The following GRID1 variants were observed in gnomAD, a reference collection of about 807,000 sequenced individuals.
GRID1 encodes glutamate receptor ionotropic, delta-1.
Under a neutral mutation model 98.0 loss-of-function variants are expected in GRID1, and 28 were observed. The observed-to-expected ratio is 0.29, with a 90% CI of 0.21 to 0.39. The LOEUF (loss-of-function observed/expected upper bound fraction) is 0.39, where lower values mean the gene tolerates loss of function less well. GRID1 is among the 10% of genes least tolerant of loss of function. The pLI is 1.00. For synonymous variants in GRID1, 553 were observed against 538.5 expected, an observed-to-expected ratio of 1.03 and a Z score of -0.37; for missense variants, 1,111 against 1,340.5, an observed-to-expected ratio of 0.83 and a Z score of 2.67.
chr10:86,148,823 G>A (rs1845121963), intron 3 of GRID1, among the ~76,000 whole-genome samples: 1 of 152,260 alleles, frequency 6.6e-6, no homozygotes, highest in East Asian at 1.9e-4. Flanking sequence ...CAGCCCCACT[G>A]CCCTGCTCCC....
chr10:85,664,736 C>T (rs1279101885), intron 12 of GRID1, among the ~76,000 whole-genome samples: 2 of 152,186 alleles, frequency 1.3e-5, no homozygotes, highest in Admixed American at 6.5e-5. Flanking sequence ...CCCCTCTCTA[C>T]TTGAAGTCTT....
At chr10:85,730,152 T>C (rs926324718) in intron 8 of GRID1, among the ~76,000 whole-genome samples, 1 of 152,228 alleles carries the variant, frequency 6.6e-6, no homozygotes, top group African/African-American at 2.4e-5. Flanking sequence ...GCCAGCTCCC[T>C]CATTTTCCTT....
At chr10:85,758,943 G>A (rs911834295) in intron 8 of GRID1, among the ~76,000 whole-genome samples, 1 of 152,138 alleles carries the variant, frequency 6.6e-6, no homozygotes, top group Non-Finnish European at 1.5e-5. Context: ...TGTGTGGTTC[G>A]AATTCTTCAT....
At chr10:85,687,388 T>C (rs928451726) in intron 12 of GRID1, among the ~76,000 whole-genome samples, 2 of 152,160 alleles carry the variant, frequency 1.3e-5, no homozygotes, top group Non-Finnish European at 2.9e-5. Context: ...TATTAATTAC[T>C]TGGAGAGAGG....
intron 3 of GRID1, among the ~76,000 whole-genome samples, chr10:86,152,496 C>A (rs1444541395): frequency 6.6e-6 from 1 of 152,366 alleles, no homozygotes; most frequent in Admixed American, 6.5e-5. Flanking sequence ...CGCCCGAGAG[C>A]CCCCATAGCT....
Position 85,767,985 on chromosome 10 carries a change from T to C in GRID1, c.1234-38371A>G, listed in dbSNP as rs537449166. On this transcript the variant is annotated intron_variant, in intron 8 of 15. Coordinates refer to ENST00000327946, the MANE Select transcript of GRID1 (RefSeq NM_017551.3). ...GACAAGGGATGCAAACCACAAAAGC[T>C]TGGAAAGCAAAATCACAGAGTTAAG... Among the ~76,000 whole-genome samples, 46 of 152,274 alleles carry C rather than the reference T, an allele frequency of 3.0e-4. No individual in the cohort carries two copies. In the East Asian group the frequency reaches 4.1e-3, roughly 13 times the overall value.
At chr10:85,827,221 C>T (rs899472393) in intron 8 of GRID1, among the ~76,000 whole-genome samples, 1 of 151,974 alleles carries the variant, frequency 6.6e-6, no homozygotes, top group South Asian at 2.1e-4. Flanking sequence ...TTCAAGGAGT[C>T]TAAGGAATAC....
chr10:86,306,952 TA>T (rs1474851194), intron 2 of GRID1, among the ~76,000 whole-genome samples: 2 of 152,230 alleles, frequency 1.3e-5, no homozygotes, highest in African/African-American at 4.8e-5. Flanking sequence ...TGGACATGTG[TA>T]AACAGTTGTG....
In GRID1 at chr10:85,840,176, T is replaced by A. The variant is rs533650355; in HGVS notation, c.1233+14320A>T. ...CACAGCTGAATTCTACCTGAGGTACTAAGAAGAGCTGGTACTATTCCTACT... is the reference window on the plus strand; with the variant it reads ...CACAGCTGAATTCTACCTGAGGTACAAAGAAGAGCTGGTACTATTCCTACT... On this transcript the variant is annotated intron_variant, in intron 8 of 15. Coordinates refer to ENST00000327946, the MANE Select transcript of GRID1 (RefSeq NM_017551.3). 1.7e-4 allele frequency among the ~76,000 whole-genome samples: 26 copies of A among 152,190 alleles called. No individual in the cohort carries two copies. The South Asian group carries it at 5.4e-3, about 32-fold the overall frequency.
At chr10:85,904,225 CA>C (rs1679089217) in intron 5 of GRID1, among the ~76,000 whole-genome samples, 1 of 152,048 alleles carries the variant, frequency 6.6e-6, no homozygotes, top group Non-Finnish European at 1.5e-5. Flanking sequence ...CTGAAATAAC[CA>C]AAAAGACTAG....
chr10:85,856,882 A>T (rs1262162570), intron 6 of GRID1, among the ~76,000 whole-genome samples: 1 of 152,244 alleles, frequency 6.6e-6, no homozygotes, highest in African/African-American at 2.4e-5. Flanking sequence ...ATACAGAGGG[A>T]GCAGGATCAA....
chr10:85,820,900 C>A (rs1487345675), intron 8 of GRID1, among the ~76,000 whole-genome samples: 1 of 152,156 alleles, frequency 6.6e-6, no homozygotes, highest in Non-Finnish European at 1.5e-5. Context: ...CCCAACCATT[C>A]TGCCTTTTTG....
chr10:85,665,677 G>GA (rs1162686131), intron 12 of GRID1, among the ~76,000 whole-genome samples: 1 of 152,108 alleles, frequency 6.6e-6, no homozygotes, highest in African/African-American at 2.4e-5. Flanking sequence ...AAGGAGTATT[G>GA]ATTGCAAAGA....
In GRID1 at chr10:85,710,384, TC is replaced by T. The variant is rs556024028; in HGVS notation, c.1997+12618del. ...AATTCAAAGAAGAAAGGATAGTCTTTCAACAAATCGTAATGGGAAAACTGGA... is the reference window on the plus strand; with the variant it reads ...AATTCAAAGAAGAAAGGATAGTCTTTAACAAATCGTAATGGGAAAACTGGA... On this transcript the variant is annotated intron_variant, in intron 12 of 15. Transcript: ENST00000327946. 5.2e-3 allele frequency among the ~76,000 whole-genome samples: 787 copies of T among 152,192 alleles called. 8 individuals are homozygous for T. Among genetic ancestry groups the T allele is most frequent in the Non-Finnish European group, 8.7e-3 (592 of 67,958 alleles).
chr10:85,919,550 C>T (rs1841672127), intron 4 of GRID1, among the ~76,000 whole-genome samples: 1 of 152,304 alleles, frequency 6.6e-6, no homozygotes, highest in East Asian at 1.9e-4. Flanking sequence ...TACTGGAGGG[C>T]TGCCAGCTCT....
chr10:85,657,565 C>T (rs1457365164), intron 12 of GRID1, among the ~76,000 whole-genome samples: 1 of 152,214 alleles, frequency 6.6e-6, no homozygotes, highest in Non-Finnish European at 1.5e-5. Flanking sequence ...GAAAAGTCTT[C>T]ATCTTGGGTT....
At chr10:85,874,242 T>C (rs1385576715) in intron 5 of GRID1, among the ~76,000 whole-genome samples, 1 of 152,212 alleles carries the variant, frequency 6.6e-6, no homozygotes, top group African/African-American at 2.4e-5. Context: ...TTTGGGTTGA[T>C]TTCTGTCATA....
intron 13 of GRID1, among the ~76,000 whole-genome samples, chr10:85,640,201 T>A (rs1399415232): frequency 6.6e-6 from 1 of 152,182 alleles, no homozygotes; most frequent in Non-Finnish European, 1.5e-5. Context: ...GAAGATAGCA[T>A]CCAAGTTGCA....
intron 4 of GRID1, among the ~76,000 whole-genome samples, chr10:85,976,287 C>T (rs529209596): frequency 6.6e-6 from 1 of 152,206 alleles, no homozygotes; most frequent in Non-Finnish European, 1.5e-5. Context: ...CTGCTGAGCA[C>T]TTTGATCCGA....
Sources: gnomAD v4.1 joint callset for allele counts (sites outside exome capture counted in the v4.1 genomes callset) on GRCh38, gnomAD v4.1.1 for gene constraint, MANE v1.5 for transcripts, NCBI Gene and HGNC (gene_info 2026-07-23, HGNC 2026-07-21) for gene names.